Variants in TAB2 observed in about 807,000 individuals in gnomAD.
TAB2 encodes TGF-beta activated kinase 1 (MAP3K7) binding protein 2, also known as TGF-beta-activated kinase 1 and MAP3K7-binding protein 2.
In TAB2, 3 loss-of-function variants were observed where a neutral mutation model predicts 65.0. The ratio of observed to expected loss-of-function variants is 0.05; its 90% confidence interval spans 0.02 to 0.12. The LOEUF (loss-of-function observed/expected upper bound fraction) is 0.12. Ranked by LOEUF, TAB2 falls within the 10% of genes least tolerant of loss-of-function variation. TAB2 has a pLI of 1.00. For synonymous variants in TAB2, 298 were observed against 285.1 expected, an observed-to-expected ratio of 1.05 and a Z score of -0.46; for missense variants, 623 against 840.3, an observed-to-expected ratio of 0.74 and a Z score of 3.20.
intron 1 of TAB2, among the ~76,000 whole-genome samples, chr6:149,333,347 G>A (rs116699218): frequency 6.6e-6 from 1 of 152,258 alleles, no homozygotes; most frequent in African/African-American, 2.4e-5. Flanking sequence ...TAGTGGTAAT[G>A]GATTTCTGCA....
chr6:149,301,481 G>A (rs1364667771), intron 1 of TAB2, among the ~76,000 whole-genome samples: 1 of 152,188 alleles, frequency 6.6e-6, no homozygotes, highest in African/African-American at 2.4e-5. Context: ...AGGCCAGCAG[G>A]AAGTTAATAA....
chr6:149,232,235 A>AT (rs972293695), intron 1 of TAB2, among the ~76,000 whole-genome samples: 52 of 147,886 alleles, frequency 3.5e-4, no homozygotes, highest in Admixed American at 4.7e-4. Context: ...AGGGAGTTTG[A>AT]TTTTTTTTTT....
chr6:149,228,427 A>G (rs1254615325), intron 1 of TAB2, among the ~76,000 whole-genome samples: 1 of 152,164 alleles, frequency 6.6e-6, no homozygotes, highest in African/African-American at 2.4e-5. Flanking sequence ...ACCAGGGTGT[A>G]AGAATGGAAG....
chr6:149,335,299 A>G, intron 1 of TAB2, among the ~76,000 whole-genome samples: 1 of 151,412 alleles, frequency 6.6e-6, no homozygotes, highest in African/African-American at 2.4e-5. Context: ...GTTTATATAT[A>G]GATATGTATG....
chr6:149,386,069 A>T (rs780951591), intron 3 of TAB2, among the ~76,000 whole-genome samples: 1 of 151,952 alleles, frequency 6.6e-6, no homozygotes, highest in African/African-American at 2.4e-5. Flanking sequence ...TTATATTCAC[A>T]TACACATACG....
Position 149,411,246 on chromosome 6 carries a change from C to T in TAB2, c.*1527C>T, listed in dbSNP as rs932952580. 4 of 152,374 alleles carry T rather than the reference C, an allele frequency of 2.6e-5. No individual in the cohort carries two copies. The highest frequency in any genetic ancestry group is 9.7e-5 in the African/African-American group (4 of 41,430). The allele number at this position is 152,374 out of a possible 1,614,324, so 9.4% of individuals were successfully genotyped here. A position where few individuals can be genotyped will look rare whatever the true frequency, so the allele number is the denominator to read the frequency against. On this transcript the variant is annotated 3_prime_UTR_variant, in exon 7 of 7. Coordinates refer to ENST00000637181, the MANE Select transcript of TAB2 (RefSeq NM_001292034.3). ...AAGGATGGAAGATAATATAGACTAC[C>T]ACCCACTGTAAATGTTTGCAAGTGG... is the stretch of plus-strand genomic sequence containing the variant.
rs368701029 is a variant in TAB2 at position 149,399,092 on chromosome 6, T to C, written c.1859-12T>C. ...TATAAGCATTGATATATTTACTTTT[T>C]ATATATTTCAGGACCACATTTTAAC... On this transcript the variant is annotated splice_polypyrimidine_tract_variant and intron_variant, in intron 5 of 6. Transcript: ENST00000637181. The C allele has an allele frequency of 2.4e-5, 39 of 1,607,264 alleles. No homozygotes were observed. In the African/African-American group the frequency reaches 4.8e-4, roughly 20 times the overall value.
At chr6:149,337,680 CTT>C (rs1289976048) in intron 1 of TAB2, among the ~76,000 whole-genome samples, 1 of 152,186 alleles carries the variant, frequency 6.6e-6, no homozygotes, top group Admixed American at 6.5e-5. Context: ...TATCCTTCCT[CTT>C]TTATTATTTA....
At chr6:149,328,953 TTAGA>T (rs900920727) in intron 1 of TAB2, among the ~76,000 whole-genome samples, 50 of 152,178 alleles carry the variant, frequency 3.3e-4, no homozygotes, top group Middle Eastern at 3.4e-3. Context: ...ATAGGTCTTT[TTAGA>T]TAGAGAGAAA....
intron 3 of TAB2, among the ~76,000 whole-genome samples, chr6:149,385,241 A>G (rs1781750776): frequency 6.6e-6 from 1 of 152,272 alleles, no homozygotes. Flanking sequence ...TTCAATGAGC[A>G]AGATACTCTT....
chr6:149,277,857 TA>T (rs1778505233), intron 1 of TAB2, among the ~76,000 whole-genome samples: 1 of 152,228 alleles, frequency 6.6e-6, no homozygotes, highest in Non-Finnish European at 1.5e-5. Context: ...ATATTCATTT[TA>T]GTATTTTGAT....
At chr6:149,406,310 G>GA (rs1251174129) in intron 6 of TAB2, among the ~76,000 whole-genome samples, 3 of 152,166 alleles carry the variant, frequency 2.0e-5, no homozygotes, top group African/African-American at 7.2e-5. Flanking sequence ...TTATGGATAG[G>GA]AAAATGTACA....
At position 149,410,552 on chromosome 6, in the gene TAB2, A is replaced by G. The variant is rs1003331260; in HGVS notation, c.*833A>G. On this transcript the variant is annotated 3_prime_UTR_variant, in exon 7 of 7. Transcript: ENST00000637181. Reference sequence around the variant, plus strand: ...AAAATAAAAAAGCATTAATGAGATGAAAGTATGCACAGAATAACTTTCCTC... The same window carrying G: ...AAAATAAAAAAGCATTAATGAGATGGAAGTATGCACAGAATAACTTTCCTC... 6.5e-5 allele frequency: 10 copies of G among 152,672 alleles called. No homozygotes were observed. Among genetic ancestry groups the G allele is most frequent in the African/African-American group, 2.4e-4 (10 of 41,458 alleles). 9.5% of individuals were successfully genotyped at this position (152,672 alleles called of 1,614,324 possible).
chr6:149,346,206 T>A (rs935710993), intron 1 of TAB2, among the ~76,000 whole-genome samples: 5 of 151,874 alleles, frequency 3.3e-5, no homozygotes, highest in African/African-American at 1.2e-4. Flanking sequence ...CCATGTACAC[T>A]TTGTCTAACT....
chr6:149,232,336 T>C (rs537128039), intron 1 of TAB2, among the ~76,000 whole-genome samples: 4 of 152,194 alleles, frequency 2.6e-5, no homozygotes, highest in Non-Finnish European at 5.9e-5. Context: ...CAAGTGATTC[T>C]CCTACCTCAG....
At chr6:149,225,081 T>C (rs1445502215) in intron 1 of TAB2, among the ~76,000 whole-genome samples, 1 of 152,242 alleles carries the variant, frequency 6.6e-6, no homozygotes, top group Non-Finnish European at 1.5e-5. Context: ...TATTTGGGAC[T>C]GCAATTTGCT....
At chr6:149,266,954 C>G (rs1050025999) in intron 1 of TAB2, among the ~76,000 whole-genome samples, 4 of 152,112 alleles carry the variant, frequency 2.6e-5, no homozygotes, top group African/African-American at 9.7e-5. Flanking sequence ...GAAAGTAGCT[C>G]TCACCCCTAG....
At chr6:149,282,891 G>C (rs952826702) in intron 1 of TAB2, among the ~76,000 whole-genome samples, 1 of 152,138 alleles carries the variant, frequency 6.6e-6, no homozygotes, top group Non-Finnish European at 1.5e-5. Flanking sequence ...CACCCACTTA[G>C]GGGCATAATA....
intron 1 of TAB2, among the ~76,000 whole-genome samples, chr6:149,240,970 G>A (rs1777586347): frequency 6.6e-6 from 1 of 152,098 alleles, no homozygotes; most frequent in Admixed American, 6.5e-5. Context: ...AGTCGTAAGG[G>A]TGGGGCCCTA....
Sources: allele counts gnomAD v4.1 joint callset (sites outside exome capture counted in the v4.1 genomes callset), GRCh38; gene constraint gnomAD v4.1.1; transcripts MANE v1.5; gene names NCBI Gene and HGNC (gene_info 2026-07-23, HGNC 2026-07-21).